The following TRIM16 variants were observed in gnomAD, a reference collection of about 807,000 sequenced individuals.
TRIM16 encodes the protein tripartite motif-containing protein 16.
TRIM16 carries 33 observed loss-of-function variants against 50.4 expected under a neutral mutation model. The ratio of observed to expected loss-of-function variants is 0.65; its 90% CI spans 0.50 to 0.88. The LOEUF is 0.88. Among genes scored for constraint, TRIM16 ranks in the 40% least tolerant of loss-of-function variants. The probability of loss-of-function intolerance (pLI) is 0.00; values close to 1 mark genes in which losing one functional copy is unlikely to be tolerated. For synonymous variants in TRIM16, 229 were observed against 270.7 expected, an observed-to-expected ratio of 0.85 and a Z score of 1.51; for missense variants, 581 against 686.8, an observed-to-expected ratio of 0.85 and a Z score of 1.72.
chr17:15,682,687 T>C (rs1031641040), intron 3 of TRIM16, among the ~76,000 whole-genome samples, 167 bp downstream of exon 3: 4 of 152,236 alleles, frequency 2.6e-5, no homozygotes, highest in Non-Finnish European at 5.9e-5. Context: ...AGCCTCTCCA[T>C]ACCTATTTCT....
intron 6 of TRIM16, among the ~76,000 whole-genome samples, chr17:15,661,232 A>G (rs1476728): frequency 0.4 from 60,599 of 152,036 alleles, 14,106 homozygotes; most frequent in African/African-American, 0.65. Flanking sequence ...AAAACCTTAC[A>G]GTTTGTGAGA....
chr17:15,630,382 G>A (rs1321663053), intron 11 of TRIM16, among the ~76,000 whole-genome samples: 2 of 152,174 alleles, frequency 1.3e-5, no homozygotes, highest in South Asian at 2.1e-4. Flanking sequence ...ATATTCATGT[G>A]AGTGTTTGTT....
chr17:15,678,914 G>A (rs575677452), intron 4 of TRIM16, among the ~76,000 whole-genome samples: 3 of 137,554 alleles, frequency 2.2e-5, no homozygotes, highest in African/African-American at 8.6e-5. Context: ...GTCTCACTCT[G>A]TTGCTGGAGT....
intron 6 of TRIM16, among the ~76,000 whole-genome samples, chr17:15,671,408 T>C (rs1184840707): frequency 6.7e-6 from 1 of 149,420 alleles, no homozygotes; most frequent in East Asian, 1.9e-4. Flanking sequence ...TGGGGGGATA[T>C]CTTGGTGCAT....
chr17:15,636,519 ACT>A (rs1986751014), intron 8 of TRIM16, among the ~76,000 whole-genome samples: 1 of 148,482 alleles, frequency 6.7e-6, no homozygotes, highest in South Asian at 2.2e-4. Context: ...ATCCCTCACA[ACT>A]CTGACACTCC....
chr17:15,655,216 C>G (rs1987917008), intron 6 of TRIM16, among the ~76,000 whole-genome samples: 1 of 152,136 alleles, frequency 6.6e-6, no homozygotes, highest in African/African-American at 2.4e-5. Context: ...TGAACTGGTC[C>G]ACCCGCATAC....
chr17:15,651,663 G>T lies in TRIM16; in HGVS notation c.-54C>A. 6.3e-7 allele frequency: 1 copy of T among 1,579,864 alleles called. No individual in the cohort carries two copies. Among genetic ancestry groups the T allele is most frequent in the East Asian group, 2.3e-5 (1 of 42,846 alleles). ...TCTTCTGTCCCTTGGCCCAGGATCT[G>T]TGCAGCCCAAGTCAGACAAGAGAAC... On this transcript the variant is annotated 5_prime_UTR_variant, in exon 7 of 12. Transcript: ENST00000649191.
At chr17:15,636,297 C>G (rs1376429516) in intron 8 of TRIM16, 28 bp from the exon 9 acceptor site, 2 of 1,605,028 alleles carry the variant, frequency 1.2e-6, no homozygotes, top group Non-Finnish European at 1.7e-6. Flanking sequence ...TGGAAGGCAG[C>G]CAAACATTTC....
At chr17:15,683,372 C>CGCGCGGAGA (rs1989259493) in intron 1 of TRIM16, 1 of 447,986 alleles carries the variant, frequency 2.2e-6, no homozygotes, top group African/African-American at 2.0e-5. Flanking sequence ...GAGTCAGACA[C>CGCGCGGAGA]TGGGAACATA....
At chr17:15,635,951 C>G in intron 9 of TRIM16, 85 bp downstream of exon 9, 1 of 1,334,124 alleles carries the variant, frequency 7.5e-7, no homozygotes. Context: ...AAAACAGTTC[C>G]ATTCACAGAT....
rs558216108 is a variant in TRIM16, at chr17:15,683,113, G to A, written c.-854C>T. 127 of 1,550,440 alleles carry A rather than the reference G, an allele frequency of 8.2e-5. No individual in the cohort carries two copies. The South Asian group carries it at 1.3e-3, about 16-fold the overall frequency. On this transcript the variant is annotated 5_prime_UTR_variant, in exon 2 of 12. In the 5' UTR this introduces an upstream ATG that the reference lacks. Coordinates refer to ENST00000649191, the MANE Select transcript of TRIM16 (RefSeq NM_001348119.1). Reference sequence around the variant, plus strand: ...ACTATTTGGGTGTAGCAACCTTTCCGTTCTCCACGTATCTTCCTGGAAATT... The same window carrying A: ...ACTATTTGGGTGTAGCAACCTTTCCATTCTCCACGTATCTTCCTGGAAATT...
chr17:15,631,534 C>T lies in TRIM16; in HGVS notation c.1111+85G>A, dbSNP rs1986417518. On this transcript the variant is annotated intron_variant, in intron 11 of 11. Coordinates refer to ENST00000649191, the MANE Select transcript of TRIM16 (RefSeq NM_001348119.1). ...GATATGAAGTTGCAAGAACCTGAAA[C>T]CTAGATGAGAGATGGCGGTTCTGAC... 6.3e-6 allele frequency: 8 copies of T among 1,279,884 alleles called. No individual in the cohort carries two copies. In the South Asian group the frequency reaches 1.1e-4, roughly 17 times the overall value. The allele number at this position is 1,279,884 out of a possible 1,614,324, so 79.3% of individuals were successfully genotyped here.
intron 7 of TRIM16, among the ~76,000 whole-genome samples, chr17:15,644,650 G>C (rs1200738132): frequency 2.0e-5 from 3 of 151,864 alleles, no homozygotes; most frequent in Non-Finnish European, 4.4e-5. Context: ...GGCTCCTTTG[G>C]CAACTAGCCC....
At chr17:15,666,980 G>GT (rs1988527761) in intron 6 of TRIM16, among the ~76,000 whole-genome samples, 1 of 152,198 alleles carries the variant, frequency 6.6e-6, no homozygotes, top group South Asian at 2.1e-4. Flanking sequence ...CCTTGGGGGG[G>GT]CGGTGGATGG....
intron 7 of TRIM16, among the ~76,000 whole-genome samples, chr17:15,648,557 G>T (rs3785635): frequency 0.2 from 31,185 of 152,124 alleles, 3,409 homozygotes; most frequent in East Asian, 0.31. Flanking sequence ...CCTATACACA[G>T]CATGCCTGTC....
In TRIM16 at chr17:15,629,169, T is replaced by A. The variant is rs769076468; in HGVS notation, c.1141A>T (p.Thr381Ser). ...YAYDITFDPD[T>S]AHKYLRLQEE... Reference sequence around the variant, plus strand: ...TGCAGCCGGAGATACTTGTGTGCTGTGTCCGGGTCAAACGTGATGTCATAC... The same window carrying A: ...TGCAGCCGGAGATACTTGTGTGCTGAGTCCGGGTCAAACGTGATGTCATAC... The change falls in exon 12 of 12, where the codon ACA becomes TCA. Residue 381 changes from threonine (T) to serine (S), a missense_variant. Physicochemically the swap from Thr to Ser is moderately conservative, Grantham distance 58. This residue lies in a region of TRIM16 where 450 missense variants were observed against 544.3 expected (regional missense o/e 0.83). Coordinates refer to ENST00000649191, the MANE Select transcript of TRIM16 (RefSeq NM_001348119.1). 6.2e-7 allele frequency: 1 copy of A among 1,612,564 alleles called. No individual in the cohort carries two copies. The highest frequency in any genetic ancestry group is 1.1e-5 in the South Asian group (1 of 90,880).
chr17:15,663,277 C>T (rs958356983), intron 6 of TRIM16, among the ~76,000 whole-genome samples: 64 of 152,254 alleles, frequency 4.2e-4, no homozygotes, highest in Non-Finnish European at 9.0e-4. Context: ...CACTCAGGAT[C>T]GCTTCATTCA....
At chr17:15,637,839 G>T (rs1986910224) in intron 8 of TRIM16, among the ~76,000 whole-genome samples, 5 of 124,744 alleles carry the variant, frequency 4.0e-5, no homozygotes, top group African/African-American at 1.6e-4. Context: ...TGAGAAATCG[G>T]ATGGTTGCCG....
chr17:15,679,468 A>G (rs987203518), intron 4 of TRIM16, among the ~76,000 whole-genome samples: 3 of 152,140 alleles, frequency 2.0e-5, no homozygotes, highest in African/African-American at 4.8e-5. Flanking sequence ...AAGTCTAACA[A>G]GAGCTTTGAG....
Sources: gnomAD v4.1 joint callset for allele counts (sites outside exome capture counted in the v4.1 genomes callset) on GRCh38, gnomAD v4.1.1 for gene constraint, gnomAD v4.1.1 regional missense constraint, MANE v1.5 for transcripts, NCBI Gene and HGNC (gene_info 2026-07-23, HGNC 2026-07-21) for gene names.